Variants in HUWE1 observed in about 807,000 individuals in gnomAD.
The protein encoded by HUWE1 is HECT, UBA and WWE domain containing E3 ubiquitin protein ligase 1, also known as E3 ubiquitin-protein ligase HUWE1.
Under a neutral mutation model 299.4 loss-of-function variants are expected in HUWE1, and 18 were observed. The ratio of observed to expected loss-of-function variants is 0.06; its 90% CI spans 0.04 to 0.09. The LOEUF (loss-of-function observed/expected upper bound fraction) is 0.09, where lower values mean the gene tolerates loss of function less well. Ranked by LOEUF, HUWE1 falls within the 10% of genes least tolerant of loss-of-function variation. The pLI, the probability that HUWE1 is intolerant of heterozygous loss-of-function variation, is 1.00. For synonymous variants in HUWE1, 1,317 were observed against 1,286.1 expected (o/e 1.02, Z -0.51); for missense variants, 1,832 against 3,462.3 (o/e 0.53, Z 11.82).
chrX:53,588,323 T>C, intron 37 of HUWE1, 59 bp downstream of exon 37: 1 of 1,124,325 alleles, frequency 8.9e-7, no homozygotes. Flanking sequence ...TCATATATGT[T>C]AAGTGTTTGA....
chrX:53,547,696 G>A lies in HUWE1; in HGVS notation c.10613C>T (p.Thr3538Met), dbSNP rs142241835. Reference sequence around the variant, plus strand: ...ACTTGAAACAGTAGTGGTAGCAGTCGTGGGGGTAGTCACTGTGGTCGAAGC... The same window carrying A: ...ACTTGAAACAGTAGTGGTAGCAGTCATGGGGGTAGTCACTGTGGTCGAAGC... ...VAASTTVTTP[T>M]TATTTVSISP... The change falls in exon 68 of 84, where the codon ACG (threonine) becomes ATG (methionine). Residue 3538 changes from threonine to methionine, a missense_variant. Around this residue, in one of 15 missense-constraint regions of HUWE1, gnomAD observed 119 missense variants for 124.6 expected, o/e 0.96. Transcript: ENST00000262854. The A allele has an allele frequency of 2.5e-6, 3 of 1,207,968 alleles. No individual in the cohort carries two copies. The highest frequency in any genetic ancestry group is 1.8e-5 in the African/African-American group (1 of 57,085).
chrX:53,544,981 A>G (rs372088904), intron 71 of HUWE1, 48 bp downstream of exon 71: 34 of 1,179,854 alleles, frequency 2.9e-5, no homozygotes, highest in Non-Finnish European at 3.6e-5. Flanking sequence ...GCCATCTTCC[A>G]GAATATCCCA....
At chrX:53,613,330 T>C (rs782552634) in intron 23 of HUWE1, among the ~76,000 whole-genome samples, 20 of 111,572 alleles carry the variant, frequency 1.8e-4, no homozygotes, top group African/African-American at 6.5e-4. Flanking sequence ...CAGTTTCGGA[T>C]TCTAGGCCTT....
Position 53,542,847 on chromosome X carries a change from G to T in HUWE1, c.11380-308C>A, listed in dbSNP as rs1300309659. The stretch of plus-strand genomic sequence containing the variant: ...TATAGACTTCAAGTCTTCTTCTGTT[G>T]TGTGTGTGTGTGTGTGTGTGTGTGT... On this transcript the variant is annotated intron_variant, in intron 73 of 83. Transcript: ENST00000262854. 1.4e-4 allele frequency: 4 copies of T among 29,181 alleles called. No homozygotes were observed. The South Asian group carries it at 3.3e-3, about 24-fold the overall frequency. The allele number at this position is 29,181 out of a possible 1,213,427, so 2.4% of individuals were successfully genotyped here.
rs200031881 is a variant in HUWE1, at chrX:53,611,290, T to TCA, written c.2262-2383_2262-2382dup. ...AAAATGGATAATCACTATACAATTA[T>TCA]CACATAACAGAATACTACTCAGCAA... On this transcript the variant is annotated intron_variant, in intron 23 of 83. Transcript: ENST00000262854. Among the ~76,000 whole-genome samples the TCA allele has an allele frequency of 3.3e-3, 364 of 108,906 alleles. 1 individual carries two copies. Among genetic ancestry groups the TCA allele is most frequent in the African/African-American group, 0.012 (347 of 29,868 alleles). The allele number at this position is 108,906 out of a possible 115,157, so 94.6% of individuals were successfully genotyped here.
Position 53,536,132 on chromosome X carries a change from G to C in HUWE1, c.12531+15C>G, listed in dbSNP as rs781954633. ...ATTGGCTGGGATGTGCTGTGATTAG[G>C]ATTTCCTGACCTACCTCAGTGCTGA... On this transcript the variant is annotated intron_variant, in intron 80 of 83. Transcript: ENST00000262854. 18 of 1,099,703 alleles carry C rather than the reference G, an allele frequency of 1.6e-5. No homozygotes were observed. Among genetic ancestry groups the C allele is most frequent in the East Asian group, 6.0e-5 (2 of 33,256 alleles). The allele number at this position is 1,099,703 out of a possible 1,213,427, so 90.6% of individuals were successfully genotyped here. A position where few individuals can be genotyped will look rare whatever the true frequency, so the allele number is the denominator to read the frequency against.
At chrX:53,578,633 G>A (rs2063360869) in intron 43 of HUWE1, among the ~76,000 whole-genome samples, 1 of 90,672 alleles carries the variant, frequency 1.1e-5, no homozygotes, top group Non-Finnish European at 2.2e-5. Context: ...GGAGGTGGGG[G>A]AGTCAGCCCC....
At chrX:53,613,681 C>T (rs1357764948) in intron 23 of HUWE1, among the ~76,000 whole-genome samples, 1 of 111,647 alleles carries the variant, frequency 9.0e-6, no homozygotes, top group East Asian at 2.8e-4. Flanking sequence ...TGACTATTTA[C>T]AGTCATATAG....
intron 2 of HUWE1, among the ~76,000 whole-genome samples, chrX:53,682,670 G>T (rs1342757187): frequency 9.0e-6 from 1 of 110,955 alleles, no homozygotes; most frequent in East Asian, 2.8e-4. Context: ...GTGGGGGATA[G>T]AAAGATTAAG....
At chrX:53,627,273 G>GA (rs1273715538) in intron 17 of HUWE1, 137 bp downstream of exon 17, 38 of 398,537 alleles carry the variant, frequency 9.5e-5, no homozygotes, top group Admixed American at 3.5e-4. Context: ...CACTTACATA[G>GA]AAAAAAAATT....
At chrX:53,557,895 CTTG>C (rs1556936692) in intron 59 of HUWE1, among the ~76,000 whole-genome samples, 6 of 111,658 alleles carry the variant, frequency 5.4e-5, no homozygotes, top group African/African-American at 2.0e-4. Context: ...TTAGATCAAC[CTTG>C]TTATTTTAAC....
chrX:53,683,919 G>A, intron 2 of HUWE1: 1 of 280,172 alleles, frequency 3.6e-6, no homozygotes, highest in East Asian at 5.0e-5. Flanking sequence ...CCCTGCTCCC[G>A]CGAGAATTCT....
At chrX:53,586,645 T>C in intron 38 of HUWE1, 74 bp from the exon 39 acceptor site, 1 of 1,060,550 alleles carries the variant, frequency 9.4e-7, no homozygotes, top group East Asian at 3.1e-5. Flanking sequence ...CTTAATTTCA[T>C]CAGATGCTTC....
At chrX:53,582,072 C>T (rs868949854) in intron 42 of HUWE1, among the ~76,000 whole-genome samples, 1 of 111,693 alleles carries the variant, frequency 9.0e-6, no homozygotes, top group South Asian at 3.7e-4. Flanking sequence ...TGAATAGTAC[C>T]AAGACTTTAC....
intron 25 of HUWE1, among the ~76,000 whole-genome samples, chrX:53,605,657 T>C (rs1252448278): frequency 8.9e-6 from 1 of 111,906 alleles, no homozygotes; most frequent in Non-Finnish European, 1.9e-5. Flanking sequence ...TTTGTTTTGG[T>C]TTTGCAGAAA....
At chrX:53,631,157 A>G in intron 11 of HUWE1, 123 bp from the exon 12 acceptor site, 1 of 530,229 alleles carries the variant, frequency 1.9e-6, no homozygotes, top group Non-Finnish European at 3.3e-6. Context: ...AAGTGTTCAG[A>G]AAGCTACCAC....
Position 53,661,605 on chromosome X carries a change from T to C in HUWE1, c.-24-7474A>G, listed in dbSNP as rs782640340. On this transcript the variant is annotated intron_variant, in intron 3 of 83. Coordinates refer to ENST00000262854, the MANE Select transcript of HUWE1 (RefSeq NM_031407.7). The stretch of plus-strand genomic sequence containing the variant: ...ATCCTTCCATAAAAATAAGTTAGTT[T>C]GAAACAAATTCCTAGAAATGGCCTA... Among the ~76,000 whole-genome samples the C allele has an allele frequency of 6.3e-5, 7 of 111,864 alleles. No individual in the cohort carries two copies. The South Asian group carries it at 2.6e-3, about 41-fold the overall frequency.
intron 18 of HUWE1, 51 bp from the exon 19 acceptor site, chrX:53,624,726 G>A (rs2066372306): frequency 1.2e-6 from 1 of 867,584 alleles, no homozygotes; most frequent in South Asian, 2.1e-5. Flanking sequence ...GGAAAGGTGT[G>A]AGGAGTGGGG....
Position 53,547,799 on chromosome X carries a change from G to A in HUWE1, c.10510C>T (p.Pro3504Ser), listed in dbSNP as rs199693166. The change falls in exon 68 of 84, where the codon CCC (proline) becomes TCC (serine). Residue 3504 changes from proline to serine, a missense_variant. Around this residue, in one of 15 missense-constraint regions of HUWE1, gnomAD observed 119 missense variants for 124.6 expected, o/e 0.96. Transcript: ENST00000262854. Reference protein sequence around the residue: ...TTTAASTTPTPPTAPTPVTSA... With the variant: ...TTTAASTTPTSPTAPTPVTSA... ...GTGACAGGGGTGGGTGCAGTAGGGG[G>A]TGTGGGCGTGGTGGAGGCGGCAGTG... is the stretch of plus-strand genomic sequence containing the variant. 5 of 1,198,543 alleles carry A rather than the reference G, an allele frequency of 4.2e-6. No individual in the cohort carries two copies. The highest frequency in any genetic ancestry group is 2.3e-4 in the Middle Eastern group (1 of 4,274).
Sources: allele counts gnomAD v4.1 joint callset (sites outside exome capture counted in the v4.1 genomes callset), GRCh38; gene constraint gnomAD v4.1.1; regional missense constraint gnomAD v4.1.1; transcripts MANE v1.5; gene names NCBI Gene and HGNC (gene_info 2026-07-23, HGNC 2026-07-21).